The following BORCS5 variants were observed in gnomAD, a reference collection of about 807,000 sequenced individuals.
BORCS5 encodes the protein BLOC-1-related complex subunit 5.
In BORCS5, 17 loss-of-function variants were observed where a neutral mutation model predicts 22.1. That is an observed-to-expected ratio of 0.77 (90% CI 0.53 to 1.15). BORCS5 has a LOEUF of 1.15. Among genes scored for constraint, BORCS5 ranks in the 50% most tolerant of loss-of-function variants. The probability of loss-of-function intolerance (pLI) is 0.00; values close to 1 mark genes in which losing one functional copy is unlikely to be tolerated. For synonymous variants in BORCS5, 117 were observed against 99.8 expected, an observed-to-expected ratio of 1.17 and a Z score of -1.03; for missense variants, 247 against 253.2, an observed-to-expected ratio of 0.98 and a Z score of 0.17.
intron 2 of BORCS5, among the ~76,000 whole-genome samples, chr12:12,389,160 G>A (rs1377221231): frequency 1.8e-5 from 2 of 110,612 alleles, no homozygotes; most frequent in South Asian, 2.6e-4. Flanking sequence ...TTTTTGAGAC[G>A]CATTTTCATT....
chr12:12,414,363 G>C (rs1941852522), intron 2 of BORCS5, among the ~76,000 whole-genome samples: 1 of 111,178 alleles, frequency 9.0e-6, no homozygotes, highest in Non-Finnish European at 2.0e-5. Context: ...TCCCGGACGG[G>C]GTGGCTGGTC....
intron 2 of BORCS5, among the ~76,000 whole-genome samples, chr12:12,384,940 A>G (rs982218695): frequency 1.3e-4 from 19 of 151,026 alleles, no homozygotes; most frequent in African/African-American, 4.4e-4. Context: ...ATATCTTTAC[A>G]TCTGCTTTCC....
At chr12:12,400,528 C>T (rs957110801) in intron 2 of BORCS5, among the ~76,000 whole-genome samples, 2 of 151,272 alleles carry the variant, frequency 1.3e-5, no homozygotes, top group African/African-American at 4.9e-5. Flanking sequence ...GCCTTGTCCT[C>T]CATAGAGATT....
intron 2 of BORCS5, among the ~76,000 whole-genome samples, chr12:12,395,987 TTTTG>T (rs535193441): frequency 1.1e-4 from 17 of 151,858 alleles, no homozygotes; most frequent in Non-Finnish European, 2.1e-4. Flanking sequence ...GGGAGATTAA[TTTTG>T]TTTGTTTGTT....
chr12:12,441,514 T>C (rs1295286871), intron 3 of BORCS5, among the ~76,000 whole-genome samples: 1 of 150,692 alleles, frequency 6.6e-6, no homozygotes, highest in Non-Finnish European at 1.5e-5. Context: ...GGACCACGCC[T>C]GCCATGTAGT....
At chr12:12,458,875 G>T (rs1051854815) in intron 3 of BORCS5, among the ~76,000 whole-genome samples, 11 of 151,390 alleles carry the variant, frequency 7.3e-5, no homozygotes, top group Admixed American at 2.0e-4. Flanking sequence ...GGGAGGCTGA[G>T]GCAGGAGAAT....
At chr12:12,456,534 A>G (rs1181507697) in intron 3 of BORCS5, among the ~76,000 whole-genome samples, 4 of 152,214 alleles carry the variant, frequency 2.6e-5, no homozygotes, top group Admixed American at 1.3e-4. Flanking sequence ...AAAGTTTTTG[A>G]AGCACCGTAC....
At chr12:12,386,740 G>C (rs1439751516) in intron 2 of BORCS5, among the ~76,000 whole-genome samples, 2 of 151,198 alleles carry the variant, frequency 1.3e-5, no homozygotes, top group Non-Finnish European at 3.0e-5. Flanking sequence ...AAAGTGCTGG[G>C]ATTACAGGTG....
At chr12:12,395,745 A>G (rs954581250) in intron 2 of BORCS5, among the ~76,000 whole-genome samples, 2 of 152,060 alleles carry the variant, frequency 1.3e-5, no homozygotes, top group Non-Finnish European at 2.9e-5. Flanking sequence ...ATGAATTGGT[A>G]TGACAGTGGC....
At chr12:12,404,697 G>T (rs753939148) in intron 2 of BORCS5, among the ~76,000 whole-genome samples, 3 of 152,060 alleles carry the variant, frequency 2.0e-5, no homozygotes, top group Admixed American at 6.6e-5. Flanking sequence ...TTTTGTTTTG[G>T]TTTGGTTTTT....
chr12:12,465,473 A>G (rs1943183091), intron 3 of BORCS5, 73 bp from the exon 4 acceptor site: 3 of 1,320,230 alleles, frequency 2.3e-6, no homozygotes, highest in Middle Eastern at 3.6e-4. Flanking sequence ...TGTCCCTCAC[A>G]GGCTGGACAC....
chr12:12,363,598 G>A (rs1279728549), intron 2 of BORCS5, among the ~76,000 whole-genome samples: 3 of 152,142 alleles, frequency 2.0e-5, no homozygotes, highest in African/African-American at 7.2e-5. Context: ...TTAGCCGGGT[G>A]TGGTGGCGGG....
At chr12:12,411,983 A>G (rs1176304771) in intron 2 of BORCS5, among the ~76,000 whole-genome samples, 1 of 152,054 alleles carries the variant, frequency 6.6e-6, no homozygotes, top group Non-Finnish European at 1.5e-5. Flanking sequence ...TCTGTGGTCC[A>G]TTTGTCTGTC....
chr12:12,390,553 G>A (rs930377027), intron 2 of BORCS5, among the ~76,000 whole-genome samples: 13 of 151,918 alleles, frequency 8.6e-5, no homozygotes, highest in Non-Finnish European at 1.8e-4. Flanking sequence ...TTGGGAGGCT[G>A]AGGCAGGAGG....
In BORCS5 at chr12:12,361,305, T is replaced by A; in HGVS notation, c.158T>A (p.Val53Asp). 1.2e-6 allele frequency: 2 copies of A among 1,614,188 alleles called. No individual in the cohort carries two copies. Among genetic ancestry groups the A allele is most frequent in the Non-Finnish European group, 1.7e-6 (2 of 1,180,020 alleles). The stretch of plus-strand genomic sequence containing the variant: ...CGGAACGTCAGCAACGATCCCGATG[T>A]CATCAAGTTGCAAGAGATTCCAACC... ...ASRNVSNDPD[V>D]IKLQEIPTFQ... Residue 53 changes from valine to aspartate, a missense_variant, in exon 2 of 4, where the codon GTC becomes GAC. Transcript: ENST00000314565.
At chr12:12,403,263 A>G (rs1219464594) in intron 2 of BORCS5, among the ~76,000 whole-genome samples, 1 of 152,206 alleles carries the variant, frequency 6.6e-6, no homozygotes, top group Non-Finnish European at 1.5e-5. Context: ...ATATTTAACT[A>G]GTTTGCACAT....
At chr12:12,435,142 A>G (rs1485921801) in intron 2 of BORCS5, among the ~76,000 whole-genome samples, 1 of 152,198 alleles carries the variant, frequency 6.6e-6, no homozygotes, top group East Asian at 1.9e-4. Context: ...AGCATCTCCT[A>G]GCAGTTTCTG....
intron 2 of BORCS5, among the ~76,000 whole-genome samples, chr12:12,403,385 T>C (rs569394099): frequency 6.6e-6 from 1 of 152,328 alleles, no homozygotes; most frequent in South Asian, 2.1e-4. Context: ...TTCTGCTGGC[T>C]TTTCTGTGGC....
intron 2 of BORCS5, among the ~76,000 whole-genome samples, chr12:12,365,521 A>G (rs1354128053): frequency 1.3e-5 from 2 of 151,564 alleles, no homozygotes; most frequent in Admixed American, 1.3e-4. Context: ...TGTATAATTC[A>G]TCCCCCCCAC....
Sources: gnomAD v4.1 joint callset for allele counts (sites outside exome capture counted in the v4.1 genomes callset) on GRCh38, gnomAD v4.1.1 for gene constraint, MANE v1.5 for transcripts, NCBI Gene and HGNC (gene_info 2026-07-23, HGNC 2026-07-21) for gene names.